Variants in SLC44A3 observed in about 807,000 individuals in gnomAD.
SLC44A3 encodes choline transporter-like protein 3.
In SLC44A3, 74 loss-of-function variants were observed where a neutral mutation model predicts 75.4. The observed-to-expected ratio is 0.98, with a 90% CI of 0.81 to 1.19. The LOEUF (loss-of-function observed/expected upper bound fraction) is 1.19. Among genes scored for constraint, SLC44A3 ranks in the 50% most tolerant of loss-of-function variants. SLC44A3 has a pLI of 0.00. For synonymous variants in SLC44A3, 310 were observed against 296.9 expected, an observed-to-expected ratio of 1.04 and a Z score of -0.45; for missense variants, 700 against 778.6, an observed-to-expected ratio of 0.90 and a Z score of 1.20.
chr1:94,894,581 TCATC>T (rs112191921), intron 14 of SLC44A3, among the ~76,000 whole-genome samples: 6,323 of 152,122 alleles, frequency 0.042, 259 homozygotes, highest in African/African-American at 0.1. Flanking sequence ...CCCCATAAAA[TCATC>T]CACACTTCCC....
intron 12 of SLC44A3, among the ~76,000 whole-genome samples, chr1:94,869,338 G>C (rs1367000305): frequency 6.6e-6 from 1 of 152,220 alleles, no homozygotes; most frequent in African/African-American, 2.4e-5. Flanking sequence ...TGGAAGTAAT[G>C]ATCCCTGATT....
chr1:94,892,490 G>A lies in SLC44A3; in HGVS notation c.1830G>A (p.Lys610=). The change falls in exon 14 of 15, where the codon AAG becomes AAA. Residue 610 remains lysine, a synonymous_variant. Transcript: ENST00000271227. The part of the protein sequence containing the change: ...DLETNDGSSE[K]PYFMDQEFLS... ...AAACAAATGATGGATCGTCAGAAAAGCCCTACTTTATGGATCAAGAATTTC... is the reference window on the plus strand; with the variant it reads ...AAACAAATGATGGATCGTCAGAAAAACCCTACTTTATGGATCAAGAATTTC... 1 of 1,614,162 alleles carries A rather than the reference G, an allele frequency of 6.2e-7. No individual in the cohort carries two copies. The highest frequency in any genetic ancestry group is 8.5e-7 in the Non-Finnish European group (1 of 1,180,022).
chr1:94,822,081 C>T (rs1660681135), intron 2 of SLC44A3, among the ~76,000 whole-genome samples: 1 of 152,182 alleles, frequency 6.6e-6, no homozygotes, highest in African/African-American at 2.4e-5. Context: ...TTATCTGAGA[C>T]TGCTGTTGTA....
chr1:94,857,305 T>C, intron 9 of SLC44A3, 30 bp from the exon 10 acceptor site: 1 of 1,568,682 alleles, frequency 6.4e-7, no homozygotes, highest in Admixed American at 1.9e-5. Context: ...AAAACATTGG[T>C]GTAAAGCATG....
At chr1:94,827,067 G>GC (rs1661463320) in intron 3 of SLC44A3, among the ~76,000 whole-genome samples, 1 of 152,168 alleles carries the variant, frequency 6.6e-6, no homozygotes, top group South Asian at 2.1e-4. Flanking sequence ...CCCAGCCTTG[G>GC]CCCCCTCCTT....
At chr1:94,879,539 GAA>G (rs34622297) in intron 12 of SLC44A3, among the ~76,000 whole-genome samples, 68,074 of 120,296 alleles carry the variant, frequency 0.57, 18,668 homozygotes, top group Non-Finnish European at 0.63. Flanking sequence ...CTCAAAAAAA[GAA>G]AAAAAAAAAA....
intron 9 of SLC44A3, among the ~76,000 whole-genome samples, chr1:94,850,434 G>GAGAA (rs1665067111): frequency 6.6e-6 from 1 of 152,220 alleles, no homozygotes; most frequent in Non-Finnish European, 1.5e-5. Context: ...TACAATAGAA[G>GAGAA]AGAACCATAT....
intron 8 of SLC44A3, among the ~76,000 whole-genome samples, chr1:94,844,832 T>C (rs945038082): frequency 1.3e-5 from 2 of 152,012 alleles, no homozygotes; most frequent in Admixed American, 1.3e-4. Flanking sequence ...TAATATGAGA[T>C]TTGTAAATGT....
intron 3 of SLC44A3, chr1:94,825,880 A>G (rs1424945995): frequency 2.2e-6 from 1 of 456,144 alleles, no homozygotes; most frequent in Non-Finnish European, 4.4e-6. Context: ...TTAGATGCCC[A>G]TGTGCTCCCA....
Position 94,870,704 on chromosome 1 carries a change from C to T in SLC44A3, c.1482+3287C>T, listed in dbSNP as rs562791778. Among the ~76,000 whole-genome samples, 8 of 152,242 alleles carry T rather than the reference C, an allele frequency of 5.3e-5. No homozygotes were observed. The South Asian group carries it at 6.2e-4, about 12-fold the overall frequency. On this transcript the variant is annotated intron_variant, in intron 12 of 14. Transcript: ENST00000271227. The stretch of plus-strand genomic sequence containing the variant: ...CGTTTTTGTTTTCTTTTGTTTGAGA[C>T]GGAGTTTTGCTCCTGTTGCCCAGGC...
At chr1:94,889,893 C>T (rs1171263156) in intron 12 of SLC44A3, among the ~76,000 whole-genome samples, 5 of 151,918 alleles carry the variant, frequency 3.3e-5, no homozygotes, top group Non-Finnish European at 7.4e-5. Context: ...TCTTGTTGCC[C>T]AGGCTGGAGT....
intron 9 of SLC44A3, among the ~76,000 whole-genome samples, chr1:94,848,315 G>T (rs1224920358): frequency 6.6e-6 from 1 of 152,176 alleles, no homozygotes; most frequent in Non-Finnish European, 1.5e-5. Flanking sequence ...GATGTGGGCT[G>T]TGCCCATAAT....
At position 94,892,375 on chromosome 1, in the gene SLC44A3, C is replaced by G. The variant is rs910240955; in HGVS notation, c.1715C>G (p.Ala572Gly). The change falls in exon 14 of 15, where the codon GCT (alanine) becomes GGT (glycine). Residue 572 changes from alanine (A) to glycine (G), a missense_variant. Transcript: ENST00000271227. ...QVWAVPLLLV[A>G]FFAYLVAHSF... ...TGGGCAGTCCCTCTGTTATTGGTAGCTTTTTTTGCCTACTTAGTAGCCCAT... is the reference window on the plus strand; with the variant it reads ...TGGGCAGTCCCTCTGTTATTGGTAGGTTTTTTTGCCTACTTAGTAGCCCAT... 1.4e-5 allele frequency: 23 copies of G among 1,613,954 alleles called. No homozygotes were observed. Among genetic ancestry groups the G allele is most frequent in the Non-Finnish European group, 1.9e-5 (22 of 1,179,984 alleles).
chr1:94,828,377 G>A, intron 4 of SLC44A3, 116 bp from the exon 5 acceptor site: 3 of 710,658 alleles, frequency 4.2e-6, no homozygotes, highest in Non-Finnish European at 6.9e-6. Context: ...TTGTGTTTCT[G>A]TCACCCATAG....
At chr1:94,869,692 A>G (rs145121513) in intron 12 of SLC44A3, among the ~76,000 whole-genome samples, 1 of 150,832 alleles carries the variant, frequency 6.6e-6, no homozygotes, top group Non-Finnish European at 1.5e-5. Flanking sequence ...ATGATTGTAA[A>G]TGGTGATCAG....
chr1:94,864,301 T>C (rs1385634249), intron 10 of SLC44A3, among the ~76,000 whole-genome samples: 1 of 152,152 alleles, frequency 6.6e-6, no homozygotes, highest in African/African-American at 2.4e-5. Flanking sequence ...CACTATTACC[T>C]CTCTGGCCAC....
chr1:94,831,604 T>G (rs900224306), intron 5 of SLC44A3, among the ~76,000 whole-genome samples: 1 of 152,352 alleles, frequency 6.6e-6, no homozygotes, highest in East Asian at 1.9e-4. Flanking sequence ...AGATCTTTTT[T>G]CACTTTGGTG....
chr1:94,826,777 C>G (rs1661410168), intron 3 of SLC44A3, among the ~76,000 whole-genome samples: 1 of 152,148 alleles, frequency 6.6e-6, no homozygotes, highest in East Asian at 1.9e-4. Context: ...TTCTCCCATC[C>G]CCAACAGGAG....
At chr1:94,866,021 A>G (rs571755687) in intron 11 of SLC44A3, among the ~76,000 whole-genome samples, 1 of 152,148 alleles carries the variant, frequency 6.6e-6, no homozygotes, top group Non-Finnish European at 1.5e-5. Flanking sequence ...TATTTCTATT[A>G]ATATTTTGCT....
Sources: allele counts gnomAD v4.1 joint callset (sites outside exome capture counted in the v4.1 genomes callset), GRCh38; gene constraint gnomAD v4.1.1; transcripts MANE v1.5; gene names NCBI Gene and HGNC (gene_info 2026-07-23, HGNC 2026-07-21).